Variants in GRM5 observed in about 807,000 individuals in gnomAD.
The protein encoded by GRM5 is metabotropic glutamate receptor 5.
A neutral mutation model predicts 83.1 loss-of-function variants in GRM5; 19 were observed. That is an observed-to-expected ratio of 0.23 (90% CI 0.16 to 0.34). The LOEUF (loss-of-function observed/expected upper bound fraction) is 0.34, where lower values mean the gene tolerates loss of function less well. Ranked by LOEUF, GRM5 falls within the 10% of genes least tolerant of loss-of-function variation. GRM5 has a pLI of 1.00. For synonymous variants in GRM5, 675 were observed against 633.6 expected, an observed-to-expected ratio of 1.07 and a Z score of -0.98; for missense variants, 1,160 against 1,588.3, an observed-to-expected ratio of 0.73 and a Z score of 4.58.
rs558122792 is a variant in GRM5, at chr11:88,604,508, G to C, written c.1394+210C>G. ...TCTCTGAAATGTGATGATTCGCAAAGCACATTTTGGACATCAGCACAAATG... is the reference window on the plus strand; with the variant it reads ...TCTCTGAAATGTGATGATTCGCAAACCACATTTTGGACATCAGCACAAATG... On this transcript the variant is annotated intron_variant, in intron 5 of 9. Transcript: ENST00000305447. Among the ~76,000 whole-genome samples, 3 of 152,292 alleles carry C rather than the reference G, an allele frequency of 2.0e-5. No homozygotes were observed. In the South Asian group the frequency reaches 6.2e-4, roughly 32 times the overall value.
intron 3 of GRM5, among the ~76,000 whole-genome samples, chr11:88,839,279 G>A (rs923949744): frequency 5.3e-5 from 8 of 152,032 alleles, no homozygotes; most frequent in African/African-American, 1.9e-4. Context: ...AGATCATAAA[G>A]CCCAAATTAA....
chr11:88,648,686 C>A (rs72639177), intron 4 of GRM5, among the ~76,000 whole-genome samples: 3,142 of 151,196 alleles, frequency 0.021, 89 homozygotes, highest in East Asian at 0.12. Flanking sequence ...GAGAGAGATT[C>A]AAATCTCTCA....
intron 5 of GRM5, among the ~76,000 whole-genome samples, chr11:88,601,889 C>T (rs151124498): frequency 7.2e-4 from 109 of 152,226 alleles, no homozygotes; most frequent in African/African-American, 2.5e-3. Context: ...GCAGCTATAG[C>T]ACCTAAATAA....
chr11:89,005,792 T>G (rs1242900007), intron 2 of GRM5, among the ~76,000 whole-genome samples: 1 of 152,198 alleles, frequency 6.6e-6, no homozygotes, highest in Non-Finnish European at 1.5e-5. Flanking sequence ...TTTGAGGGCT[T>G]GATTTAAATG....
chr11:88,637,541 A>G (rs1208486877), intron 4 of GRM5, among the ~76,000 whole-genome samples: 3 of 151,274 alleles, frequency 2.0e-5, no homozygotes, highest in East Asian at 1.9e-4. Flanking sequence ...GCAGCCAAAA[A>G]ACACATGAAA....
intron 1 of GRM5, among the ~76,000 whole-genome samples, chr11:89,048,277 T>C (rs1941685129): frequency 6.6e-6 from 1 of 152,244 alleles, no homozygotes; most frequent in Admixed American, 6.5e-5. Flanking sequence ...CCTGCCTTGC[T>C]TAGATTAATA....
chr11:88,881,221 A>C (rs1332753867), intron 2 of GRM5, among the ~76,000 whole-genome samples: 8 of 152,032 alleles, frequency 5.3e-5, no homozygotes, highest in Admixed American at 6.6e-5. Flanking sequence ...CCTCTTAAAA[A>C]CTTTAATTTT....
intron 2 of GRM5, among the ~76,000 whole-genome samples, chr11:88,925,254 G>A (rs1945766468): frequency 6.6e-6 from 1 of 152,050 alleles, no homozygotes. Flanking sequence ...TGATTTTAGT[G>A]CCCAAGAAAA....
At chr11:88,810,356 G>C (rs1943567687) in intron 3 of GRM5, among the ~76,000 whole-genome samples, 1 of 152,056 alleles carries the variant, frequency 6.6e-6, no homozygotes, top group Admixed American at 6.6e-5. Context: ...GTCTCTGGTG[G>C]CATTAGTAAA....
intron 1 of GRM5, among the ~76,000 whole-genome samples, chr11:89,050,665 C>T (rs182280247): frequency 6.6e-6 from 1 of 152,304 alleles, no homozygotes; most frequent in African/African-American, 2.4e-5. Context: ...GACACATGCT[C>T]ATTGCAACAT....
chr11:88,565,230 T>C (rs1942850360), intron 8 of GRM5, among the ~76,000 whole-genome samples: 1 of 152,256 alleles, frequency 6.6e-6, no homozygotes, highest in African/African-American at 2.4e-5. Context: ...TCTCCAGCAC[T>C]ATACTGTGCT....
intron 2 of GRM5, among the ~76,000 whole-genome samples, chr11:88,924,468 G>A (rs1411372162): frequency 6.6e-6 from 1 of 151,926 alleles, no homozygotes; most frequent in Non-Finnish European, 1.5e-5. Flanking sequence ...ATACTATTCA[G>A]CCTTGAAAAA....
chr11:88,650,590 G>A (rs747315597), intron 4 of GRM5, among the ~76,000 whole-genome samples: 5 of 151,956 alleles, frequency 3.3e-5, no homozygotes, highest in Non-Finnish European at 5.9e-5. Context: ...TGATAGGGAA[G>A]AAATGTTCAA....
intron 3 of GRM5, among the ~76,000 whole-genome samples, chr11:88,821,358 A>AG (rs1943789050): frequency 6.7e-6 from 1 of 148,564 alleles, no homozygotes; most frequent in African/African-American, 2.5e-5. Context: ...AAAAAAAAAA[A>AG]AAAAGAAAAA....
chr11:88,722,205 C>CTTT (rs113299235), intron 3 of GRM5, among the ~76,000 whole-genome samples: 1,821 of 152,204 alleles, frequency 0.012, 27 homozygotes, highest in East Asian at 0.063. Context: ...TGGTTTTAGC[C>CTTT]TTTACTGGAG....
intron 3 of GRM5, among the ~76,000 whole-genome samples, chr11:88,748,102 A>G (rs1298019469): frequency 1.3e-5 from 2 of 152,152 alleles, no homozygotes; most frequent in African/African-American, 4.8e-5. Flanking sequence ...AACCCTGCCC[A>G]GGAAACCACA....
chr11:88,507,586 T>A lies in GRM5; in HGVS notation c.*1006A>T, dbSNP rs1390973695. 2.0e-5 allele frequency: 3 copies of A among 152,204 alleles called. No individual in the cohort carries two copies. Among genetic ancestry groups the A allele is most frequent in the Non-Finnish European group, 4.4e-5 (3 of 68,038 alleles). The allele number at this position is 152,204 out of a possible 1,614,324, so 9.4% of individuals were successfully genotyped here. A position where few individuals can be genotyped will look rare whatever the true frequency, so the allele number is the denominator to read the frequency against. ...CAAAGGAGCTCTTTGTGCATCAGGT[T>A]CTCAAAATAAAGGAATGAAGAAGCC... On this transcript the variant is annotated 3_prime_UTR_variant, in exon 10 of 10. Coordinates refer to ENST00000305447, the MANE Select transcript of GRM5 (RefSeq NM_001143831.3).
chr11:88,505,337 T>C lies in GRM5; in HGVS notation c.*3255A>G, dbSNP rs1443749963. Reference sequence around the variant, plus strand: ...GCATAGGAAATGCTTTTGTTTTTTGTTATTCTTAAAAAGAGCATTTAATTC... The same window carrying C: ...GCATAGGAAATGCTTTTGTTTTTTGCTATTCTTAAAAAGAGCATTTAATTC... On this transcript the variant is annotated 3_prime_UTR_variant, in exon 10 of 10. Coordinates refer to ENST00000305447, the MANE Select transcript of GRM5 (RefSeq NM_001143831.3). 6.6e-6 allele frequency: 1 copy of C among 152,224 alleles called. No homozygotes were observed. The highest frequency in any genetic ancestry group is 1.5e-5 in the Non-Finnish European group (1 of 68,018). The allele number at this position is 152,224 out of a possible 1,614,324, so 9.4% of individuals were successfully genotyped here.
intron 8 of GRM5, among the ~76,000 whole-genome samples, chr11:88,565,636 A>T (rs1207657283): frequency 6.6e-6 from 1 of 152,244 alleles, no homozygotes; most frequent in African/African-American, 2.4e-5. Flanking sequence ...TCAGAAAAAG[A>T]ATGGTTCATA....
Sources: gnomAD v4.1 joint callset for allele counts (sites outside exome capture counted in the v4.1 genomes callset) on GRCh38, gnomAD v4.1.1 for gene constraint, MANE v1.5 for transcripts, NCBI Gene and HGNC (gene_info 2026-07-23, HGNC 2026-07-21) for gene names.